Variants in CERS4 observed in about 807,000 individuals in gnomAD.
The protein encoded by CERS4 is LAG1 homolog, ceramide synthase 4.
In CERS4, 65 loss-of-function variants were observed where a neutral mutation model predicts 51.8. The observed-to-expected ratio is 1.26, with a 90% CI of 1.03 to 1.54. The LOEUF (loss-of-function observed/expected upper bound fraction) is 1.54, where lower values mean the gene tolerates loss of function less well. Among genes scored for constraint, CERS4 ranks in the 40% most tolerant of loss-of-function variants. CERS4 has a pLI of 0.00. For synonymous variants in CERS4, 228 were observed against 208.4 expected (o/e 1.09, Z -0.81); for missense variants, 563 against 500.4 (o/e 1.13, Z -1.19).
rs549817918 is a variant in CERS4, at chr19:8,218,822, C to T, written c.-2+7960C>T. On this transcript the variant is annotated intron_variant, in intron 2 of 11. Transcript: ENST00000251363. ...CCCCACTGGGGGCCCTTCTCTGTGC[C>T]AACCCATCCAACCCAGAGGGCTGAT... Among the ~76,000 whole-genome samples, 3 of 152,282 alleles carry T rather than the reference C, an allele frequency of 2.0e-5. No homozygotes were observed. In the East Asian group the frequency reaches 5.8e-4, roughly 29 times the overall value.
intron 2 of CERS4, among the ~76,000 whole-genome samples, chr19:8,229,887 T>C (rs990070928): frequency 2.6e-5 from 4 of 151,696 alleles, no homozygotes; most frequent in Admixed American, 6.6e-5. Flanking sequence ...TTATTTGCTG[T>C]TGTTGTTGTT....
At chr19:8,255,905 T>C in intron 6 of CERS4, 26 bp downstream of exon 6, 1 of 1,611,892 alleles carries the variant, frequency 6.2e-7, no homozygotes, top group Non-Finnish European at 8.5e-7. Flanking sequence ...TATAGCTGAC[T>C]GCTCACCTGC....
intron 2 of CERS4, among the ~76,000 whole-genome samples, chr19:8,242,537 G>A (rs1339003999): frequency 6.6e-6 from 1 of 152,194 alleles, no homozygotes; most frequent in Non-Finnish European, 1.5e-5. Context: ...AGGGTTGCGG[G>A]AGGGTGCTTT....
intron 10 of CERS4, among the ~76,000 whole-genome samples, chr19:8,258,967 C>T (rs181352867): frequency 6.6e-6 from 1 of 151,364 alleles, no homozygotes; most frequent in African/African-American, 2.4e-5. Context: ...AACCCTGTCT[C>T]TACTGAAAAC....
chr19:8,236,647 C>G (rs12052131), intron 2 of CERS4, among the ~76,000 whole-genome samples: 1 of 142,580 alleles, frequency 7.0e-6, no homozygotes, highest in African/African-American at 2.7e-5. Context: ...CCACGGCACT[C>G]TAGCCTGAGC....
chr19:8,219,804 A>G (rs1291306263), intron 2 of CERS4, among the ~76,000 whole-genome samples: 2 of 150,398 alleles, frequency 1.3e-5, no homozygotes, highest in Admixed American at 6.6e-5. Flanking sequence ...GGGCAACAAG[A>G]GCGAAACTCT....
At chr19:8,245,970 AG>A (rs1268416902) in intron 2 of CERS4, among the ~76,000 whole-genome samples, 1 of 143,828 alleles carries the variant, frequency 7.0e-6, no homozygotes, top group Non-Finnish European at 1.5e-5. Context: ...CTATAATCCC[AG>A]CAATTTGGGA....
chr19:8,239,059 C>T (rs1252579605), intron 2 of CERS4, among the ~76,000 whole-genome samples: 4 of 151,932 alleles, frequency 2.6e-5, no homozygotes, highest in African/African-American at 9.7e-5. Context: ...TGCAATGGTG[C>T]CACTGCACTC....
chr19:8,238,401 G>A (rs775619005), intron 2 of CERS4: 88 of 529,906 alleles, frequency 1.7e-4, no homozygotes, highest in Middle Eastern at 9.3e-4. Flanking sequence ...GTGGGAACTG[G>A]CCCAGGGAAG....
chr19:8,256,001 A>G, intron 6 of CERS4, 122 bp downstream of exon 6: 1 of 1,147,520 alleles, frequency 8.7e-7, no homozygotes, highest in Non-Finnish European at 1.3e-6. Context: ...GGAGAGAGCG[A>G]GCTTTGCAAG....
At chr19:8,214,108 C>T (rs1290052659) in intron 2 of CERS4, among the ~76,000 whole-genome samples, 1 of 152,120 alleles carries the variant, frequency 6.6e-6, no homozygotes, top group Non-Finnish European at 1.5e-5. Context: ...TCAGCTTTCC[C>T]TCCCTACCCC....
chr19:8,256,029 C>T (rs553357774), intron 6 of CERS4, 150 bp downstream of exon 6: 4 of 974,530 alleles, frequency 4.1e-6, no homozygotes, highest in African/African-American at 3.2e-5. Context: ...TGAATGTTCA[C>T]TCAACAGGTA....
At chr19:8,254,427 A>C (rs1969260014) in intron 3 of CERS4, 72 bp from the exon 4 acceptor site, 3 of 1,412,342 alleles carry the variant, frequency 2.1e-6, no homozygotes, top group African/African-American at 1.4e-5. Context: ...CACCGGCAGC[A>C]TGTCTGCCCC....
intron 2 of CERS4, among the ~76,000 whole-genome samples, chr19:8,235,722 C>A (rs1252762203): frequency 6.6e-6 from 1 of 151,440 alleles, no homozygotes; most frequent in Non-Finnish European, 1.5e-5. Flanking sequence ...ACCCTCCCCC[C>A]AATCTCTATA....
chr19:8,211,841 G>A (rs1397216721), intron 2 of CERS4, among the ~76,000 whole-genome samples: 7 of 146,264 alleles, frequency 4.8e-5, no homozygotes, highest in Non-Finnish European at 1.0e-4. Flanking sequence ...GCAGTGAGCC[G>A]AGATCGCGCC....
rs990572197 is a variant in CERS4 at position 8,210,399 on chromosome 19, G to A, written c.-158-307G>A. On this transcript the variant is annotated intron_variant, in intron 1 of 11. Transcript: ENST00000251363. This position sits in a 1 kb window ranked among gnomAD's most constrained non-coding sequence, Gnocchi z 4.2. ...CGTGGGGGACCGATGTTTCTCCTGG[G>A]TAGTTAGGAGTATATAGAAGAGGCT... is the stretch of plus-strand genomic sequence containing the variant. 6.6e-6 allele frequency among the ~76,000 whole-genome samples: 1 copy of A among 152,058 alleles called. No individual in the cohort carries two copies. The highest frequency in any genetic ancestry group is 2.4e-5 in the African/African-American group (1 of 41,396).
intron 2 of CERS4, among the ~76,000 whole-genome samples, chr19:8,222,655 C>T (rs1225563852): frequency 2.0e-5 from 3 of 152,082 alleles, no homozygotes; most frequent in African/African-American, 7.2e-5. Flanking sequence ...TGCGCCACCA[C>T]ACCTGGCTAA....
At chr19:8,257,800 C>A in intron 9 of CERS4, 79 bp from the exon 10 acceptor site, 1 of 1,096,860 alleles carries the variant, frequency 9.1e-7, no homozygotes. Flanking sequence ...CCCAACTCAC[C>A]TGGTCCCATC....
chr19:8,261,384 A>C, intron 10 of CERS4: 1 of 385,336 alleles, frequency 2.6e-6, no homozygotes. Flanking sequence ...GGGTCTGAGG[A>C]GTAGAGAGAA....
Sources: allele counts gnomAD v4.1 joint callset (sites outside exome capture counted in the v4.1 genomes callset), GRCh38; gene constraint gnomAD v4.1.1; non-coding constraint Gnocchi (gnomAD v3.1); transcripts MANE v1.5; gene names NCBI Gene and HGNC (gene_info 2026-07-23, HGNC 2026-07-21).